The following PPFIBP2 variants were observed in gnomAD, a reference collection of about 807,000 sequenced individuals.
PPFIBP2 encodes PPFIB scaffold protein 2.
Under a neutral mutation model 118.3 loss-of-function variants are expected in PPFIBP2, and 118 were observed. The ratio of observed to expected loss-of-function variants is 1.00; its 90% confidence interval spans 0.86 to 1.16. The LOEUF (loss-of-function observed/expected upper bound fraction) is 1.16. Among genes scored for constraint, PPFIBP2 ranks in the 50% most tolerant of loss-of-function variants. The pLI is 0.00. For synonymous variants in PPFIBP2, 414 were observed against 397.4 expected (o/e 1.04, Z -0.50); for missense variants, 1,195 against 1,073.1 (o/e 1.11, Z -1.59).
intron 17 of PPFIBP2, among the ~76,000 whole-genome samples, chr11:7,644,458 G>T (rs1430728463): frequency 6.6e-6 from 1 of 152,204 alleles, no homozygotes; most frequent in Non-Finnish European, 1.5e-5. Context: ...CACATGGCTG[G>T]ATCCCACCTT....
At chr11:7,596,185 T>A (rs563094525) in intron 4 of PPFIBP2, among the ~76,000 whole-genome samples, 2 of 152,268 alleles carry the variant, frequency 1.3e-5, no homozygotes, top group South Asian at 4.1e-4. Flanking sequence ...TGTTTAACCC[T>A]CATAATAAGA....
At chr11:7,545,695 A>G (rs1430518313) in intron 1 of PPFIBP2, among the ~76,000 whole-genome samples, 1 of 151,676 alleles carries the variant, frequency 6.6e-6, no homozygotes, top group Non-Finnish European at 1.5e-5. Context: ...CTATAATAAA[A>G]AAAGTATATA....
At chr11:7,604,701 T>A (rs747989482) in intron 5 of PPFIBP2, among the ~76,000 whole-genome samples, 2 of 152,134 alleles carry the variant, frequency 1.3e-5, no homozygotes, top group Non-Finnish European at 2.9e-5. Flanking sequence ...ATGTCAGAAA[T>A]TTGATCATGT....
At chr11:7,523,001 G>A (rs545311891) in intron 1 of PPFIBP2, among the ~76,000 whole-genome samples, 14 of 152,114 alleles carry the variant, frequency 9.2e-5, no homozygotes, top group Non-Finnish European at 1.5e-4. Flanking sequence ...GTGTTGGAGT[G>A]GGGATGGGGG....
At chr11:7,627,878 T>A (rs891800643) in intron 8 of PPFIBP2, among the ~76,000 whole-genome samples, 5 of 152,174 alleles carry the variant, frequency 3.3e-5, no homozygotes, top group Non-Finnish European at 5.9e-5. Flanking sequence ...AATGTTAAAT[T>A]CTCCTCTTCC....
At chr11:7,534,411 G>T (rs767140851) in intron 1 of PPFIBP2, among the ~76,000 whole-genome samples, 2 of 152,210 alleles carry the variant, frequency 1.3e-5, no homozygotes, top group Non-Finnish European at 2.9e-5. Flanking sequence ...TCACTTTGAG[G>T]TTGCATTTGA....
At chr11:7,589,954 A>G (rs1346908147) in intron 3 of PPFIBP2, among the ~76,000 whole-genome samples, 1 of 147,566 alleles carries the variant, frequency 6.8e-6, no homozygotes, top group Admixed American at 6.9e-5. Flanking sequence ...TTTCTCAATA[A>G]ATTGGAATCC....
At chr11:7,552,274 G>A (rs1448589935) in intron 2 of PPFIBP2, among the ~76,000 whole-genome samples, 3 of 152,198 alleles carry the variant, frequency 2.0e-5, no homozygotes, top group Non-Finnish European at 4.4e-5. Context: ...CATGCGTAAG[G>A]TGCTTAGAAC....
chr11:7,620,504 CT>C (rs1849218022), intron 6 of PPFIBP2, among the ~76,000 whole-genome samples: 1 of 152,186 alleles, frequency 6.6e-6, no homozygotes, highest in African/African-American at 2.4e-5. Context: ...CCTCTTCTAT[CT>C]TCCTTCACTC....
At chr11:7,633,158 G>A (rs1053271588) in intron 12 of PPFIBP2, among the ~76,000 whole-genome samples, 1 of 152,120 alleles carries the variant, frequency 6.6e-6, no homozygotes, top group Non-Finnish European at 1.5e-5. Flanking sequence ...ACTGAGAAAG[G>A]ATCTGGCCAA....
chr11:7,556,218 G>C (rs1853603090), intron 2 of PPFIBP2, among the ~76,000 whole-genome samples: 1 of 152,186 alleles, frequency 6.6e-6, no homozygotes, highest in Non-Finnish European at 1.5e-5. Flanking sequence ...CACTTTGGGA[G>C]GCCGAGGCGG....
chr11:7,522,852 G>A (rs1050373952), intron 1 of PPFIBP2, among the ~76,000 whole-genome samples: 2 of 152,160 alleles, frequency 1.3e-5, no homozygotes, highest in Non-Finnish European at 2.9e-5. Context: ...ATGTGGGCAC[G>A]TGTATTAATT....
downstream of PPFIBP2, among the ~76,000 whole-genome samples, chr11:7,654,198 G>A (rs1854473751): frequency 6.6e-6 from 1 of 152,210 alleles, no homozygotes; most frequent in Non-Finnish European, 1.5e-5. Context: ...GGTGGGGGCT[G>A]GTCTGTCTGC....
Position 7,649,513 on chromosome 11 carries a change from C to T in PPFIBP2, c.1999-19C>T, listed in dbSNP as rs1215832279. On this transcript the variant is annotated intron_variant, in intron 20 of 23. Coordinates refer to ENST00000299492, the MANE Select transcript of PPFIBP2 (RefSeq NM_003621.5). ...CACTTTGGAAACTCTGGTTTATAAA[C>T]CAAACTTTCCTCTTTCAGAACGATT... 2 of 1,613,996 alleles carry T rather than the reference C, an allele frequency of 1.2e-6. No homozygotes were observed. Among genetic ancestry groups the T allele is most frequent in the Non-Finnish European group, 1.7e-6 (2 of 1,179,918 alleles).
At chr11:7,661,179 C>A (rs1403185618), downstream of PPFIBP2, among the ~76,000 whole-genome samples, 4 of 150,036 alleles carry the variant, frequency 2.7e-5, no homozygotes, top group East Asian at 7.9e-4. Context: ...TTATTTCTTG[C>A]CTTCTGCTAG....
chr11:7,602,633 G>T (rs933199587), intron 5 of PPFIBP2, among the ~76,000 whole-genome samples: 10 of 152,172 alleles, frequency 6.6e-5, no homozygotes, highest in African/African-American at 2.4e-4. Context: ...CAGAAACAAT[G>T]TTCAATGTCA....
At chr11:7,608,570 G>A (rs1847680169) in intron 5 of PPFIBP2, among the ~76,000 whole-genome samples, 1 of 152,218 alleles carries the variant, frequency 6.6e-6, no homozygotes, top group South Asian at 2.1e-4. Context: ...AACCTGGGAG[G>A]TGGAGGTTGT....
chr11:7,560,610 A>G (rs563946830), intron 2 of PPFIBP2, among the ~76,000 whole-genome samples: 4 of 152,312 alleles, frequency 2.6e-5, no homozygotes, highest in African/African-American at 9.6e-5. Context: ...ATTCTTATAT[A>G]TTAATCTTTG....
chr11:7,568,453 G>T (rs996748972), intron 3 of PPFIBP2, among the ~76,000 whole-genome samples: 4 of 152,188 alleles, frequency 2.6e-5, no homozygotes, highest in Non-Finnish European at 5.9e-5. Context: ...CATTTCTTTA[G>T]TATGTTTTTG....
Sources: gnomAD v4.1 joint callset for allele counts (sites outside exome capture counted in the v4.1 genomes callset) on GRCh38, gnomAD v4.1.1 for gene constraint, MANE v1.5 for transcripts, NCBI Gene and HGNC (gene_info 2026-07-23, HGNC 2026-07-21) for gene names.